Variants in OXR1 observed in about 807,000 individuals in gnomAD.
OXR1 encodes the protein oxidation resistance protein 1.
A neutral mutation model predicts 104.6 loss-of-function variants in OXR1; 41 were observed. The ratio of observed to expected loss-of-function variants is 0.39; its 90% CI spans 0.31 to 0.51. The LOEUF is 0.51. Ranked by LOEUF, OXR1 falls within the 20% of genes least tolerant of loss-of-function variation. The pLI, the probability that OXR1 is intolerant of heterozygous loss-of-function variation, is 0.77. For missense variants in OXR1, 955 were observed against 1,031.9 expected (o/e 0.93, Z 1.02); for synonymous variants, 348 against 348.4 (o/e 1.00, Z 0.01).
At chr8:106,450,972 A>G (rs1032718421) in intron 2 of OXR1, among the ~76,000 whole-genome samples, 1 of 152,110 alleles carries the variant, frequency 6.6e-6, no homozygotes, top group African/African-American at 2.4e-5. Context: ...TATTCAGTGA[A>G]GTTCTCACTG....
At chr8:106,342,407 T>A (rs1460976620) in intron 1 of OXR1, among the ~76,000 whole-genome samples, 1 of 151,858 alleles carries the variant, frequency 6.6e-6, no homozygotes, top group African/African-American at 2.4e-5. Context: ...CCCACCACCA[T>A]GCCTGGCTAA....
At chr8:106,565,650 A>T (rs1021536410) in intron 3 of OXR1, among the ~76,000 whole-genome samples, 1 of 152,168 alleles carries the variant, frequency 6.6e-6, no homozygotes, top group South Asian at 2.1e-4. Context: ...TATGGAACCA[A>T]AAAAGAGCCT....
intron 3 of OXR1, among the ~76,000 whole-genome samples, chr8:106,640,723 T>C (rs1345569130): frequency 6.6e-6 from 1 of 152,204 alleles, no homozygotes; most frequent in East Asian, 1.9e-4. Context: ...ATATTTAAAT[T>C]ACATCTGAGA....
chr8:106,501,150 G>C (rs887962422), intron 2 of OXR1, among the ~76,000 whole-genome samples: 7 of 152,068 alleles, frequency 4.6e-5, no homozygotes, highest in African/African-American at 1.7e-4. Flanking sequence ...GTTTTTTTAA[G>C]GGACAGAGTC....
intron 11 of OXR1, chr8:106,725,966 C>A: frequency 3.0e-6 from 1 of 332,784 alleles, no homozygotes; most frequent in Non-Finnish European, 5.4e-6. Flanking sequence ...ACTTTTGAGC[C>A]CTTTCTTTGC....
intron 2 of OXR1, among the ~76,000 whole-genome samples, chr8:106,363,249 A>C (rs1003589629): frequency 2.6e-5 from 4 of 152,222 alleles, no homozygotes; most frequent in African/African-American, 9.6e-5. Flanking sequence ...ATAAGCCAGA[A>C]GACTGATAAG....
intron 2 of OXR1, among the ~76,000 whole-genome samples, chr8:106,418,438 A>C (rs1818768496): frequency 6.6e-6 from 1 of 152,066 alleles, no homozygotes; most frequent in Non-Finnish European, 1.5e-5. Flanking sequence ...CATCACTCAG[A>C]GATAACCACT....
chr8:106,655,358 T>C (rs562508464), intron 3 of OXR1, among the ~76,000 whole-genome samples: 4 of 152,018 alleles, frequency 2.6e-5, no homozygotes, highest in Non-Finnish European at 4.4e-5. Context: ...AGGCATGGCA[T>C]ATAAGCAAGC....
intron 3 of OXR1, chr8:106,617,990 C>T (rs1256100575): frequency 3.4e-6 from 5 of 1,462,806 alleles, no homozygotes; most frequent in Non-Finnish European, 3.6e-6. Flanking sequence ...AAACAGAAAC[C>T]TCTGAATCTT....
At position 106,487,672 on chromosome 8, in the gene OXR1, G is replaced by A. The variant is rs1810779406; in HGVS notation, c.24-31271G>A. Among the ~76,000 whole-genome samples the A allele has an allele frequency of 2.0e-5, 3 of 149,734 alleles. No individual in the cohort carries two copies. The South Asian group carries it at 6.4e-4, about 32-fold the overall frequency. On this transcript the variant is annotated intron_variant, in intron 2 of 16. Transcript: ENST00000517566. ...CCACCTATGAGTGAGAATATGCGGT[G>A]TTTGGTTTTTTGTTCTTGCGATAGT...
chr8:106,489,376 T>C (rs1810925258), intron 2 of OXR1, among the ~76,000 whole-genome samples: 1 of 152,196 alleles, frequency 6.6e-6, no homozygotes, highest in Admixed American at 6.6e-5. Context: ...ACCCCAGCAG[T>C]ACCCTCACTT....
At chr8:106,529,318 T>C (rs184588307) in intron 3 of OXR1, among the ~76,000 whole-genome samples, 2 of 152,302 alleles carry the variant, frequency 1.3e-5, no homozygotes, top group African/African-American at 2.4e-5. Context: ...TTTTACAACA[T>C]TTTTCATTTA....
chr8:106,586,321 G>GA (rs796612145), intron 3 of OXR1, among the ~76,000 whole-genome samples: 161 of 149,814 alleles, frequency 1.1e-3, no homozygotes, highest in African/African-American at 3.7e-3. Flanking sequence ...TAGAAAGAAA[G>GA]AAAAAAAAAG....
At chr8:106,511,736 T>G (rs1812545403) in intron 2 of OXR1, among the ~76,000 whole-genome samples, 1 of 152,196 alleles carries the variant, frequency 6.6e-6, no homozygotes, top group South Asian at 2.1e-4. Context: ...ATGAATACCA[T>G]TATTGTAGAT....
chr8:106,510,889 C>A (rs1354970199), intron 2 of OXR1, among the ~76,000 whole-genome samples: 1 of 152,186 alleles, frequency 6.6e-6, no homozygotes, highest in Non-Finnish European at 1.5e-5. Flanking sequence ...TGTTCCAACA[C>A]CAATTTGAAT....
In OXR1 at chr8:106,705,982, G is replaced by T. The variant is rs1469360450; in HGVS notation, c.861-400G>T. Among the ~76,000 whole-genome samples the T allele has an allele frequency of 5.9e-5, 9 of 151,972 alleles. No individual in the cohort carries two copies. The East Asian group carries it at 1.4e-3, about 23-fold the overall frequency. On this transcript the variant is annotated intron_variant, in intron 8 of 16. Transcript: ENST00000517566. Reference sequence around the variant, plus strand: ...AAATCAGTTTATTTTTACTTTATTGGGAGATTTAAAATTTTAATTAAACAT... The same window carrying T: ...AAATCAGTTTATTTTTACTTTATTGTGAGATTTAAAATTTTAATTAAACAT...
intron 2 of OXR1, among the ~76,000 whole-genome samples, chr8:106,463,355 TATCA>T (rs1280640654): frequency 5.9e-5 from 9 of 152,124 alleles, no homozygotes; most frequent in South Asian, 2.1e-4. Flanking sequence ...TTAAGTCAGG[TATCA>T]ATCGAAGGCA....
In OXR1 at chr8:106,464,029, A is replaced by G. The variant is rs2444316; in HGVS notation, c.24-54914A>G. ...TAGGGTCTCATCTATTTATCTCTAC[A>G]GTTAAGTGAACTTACCTATTTTTTT... On this transcript the variant is annotated intron_variant, in intron 2 of 16. Coordinates refer to ENST00000517566, the MANE Select transcript of OXR1 (RefSeq NM_001198533.2). Among the ~76,000 whole-genome samples the G allele has an allele frequency of 1.9e-4, 29 of 152,154 alleles. No individual in the cohort carries two copies. In the East Asian group the frequency reaches 5.6e-3, roughly 29 times the overall value.
At chr8:106,599,071 T>C (rs2130742138) in intron 3 of OXR1, among the ~76,000 whole-genome samples, 1 of 152,278 alleles carries the variant, frequency 6.6e-6, no homozygotes, top group South Asian at 2.1e-4. Flanking sequence ...TGTAGACAAG[T>C]TCAGTGGCTT....
Sources: allele counts gnomAD v4.1 joint callset (sites outside exome capture counted in the v4.1 genomes callset), GRCh38; gene constraint gnomAD v4.1.1; transcripts MANE v1.5; gene names NCBI Gene and HGNC (gene_info 2026-07-23, HGNC 2026-07-21).